Variants in PARP12 observed in about 807,000 individuals in gnomAD.
PARP12 encodes protein mono-ADP-ribosyltransferase PARP12.
PARP12 carries 59 observed loss-of-function variants against 72.4 expected under a neutral mutation model. The observed-to-expected ratio is 0.81, with a 90% CI of 0.66 to 1.01. The LOEUF (loss-of-function observed/expected upper bound fraction) is 1.01. Among genes scored for constraint, PARP12 ranks in the 50% least tolerant of loss-of-function variants. The pLI is 0.00. For missense variants in PARP12, 851 were observed against 914.0 expected, an observed-to-expected ratio of 0.93 and a Z score of 0.89; for synonymous variants, 403 against 371.4, an observed-to-expected ratio of 1.09 and a Z score of -0.98.
intron 7 of PARP12, among the ~76,000 whole-genome samples, chr7:140,037,479 T>C (rs932441720): frequency 3.9e-5 from 6 of 152,346 alleles, no homozygotes; most frequent in Admixed American, 3.9e-4. Flanking sequence ...TCCTCCACAC[T>C]TGGGGCTCCT....
intron 4 of PARP12, among the ~76,000 whole-genome samples, chr7:140,048,080 C>G (rs139164995): frequency 1.8e-3 from 278 of 152,286 alleles, no homozygotes; most frequent in Middle Eastern, 3.4e-3. Flanking sequence ...GAGATCACAG[C>G]AAAGATGGAG....
chr7:140,062,578 C>A lies in PARP12; in HGVS notation c.270G>T (p.Ala90=), dbSNP rs534515484. The A allele has an allele frequency of 1.3e-6, 2 of 1,546,304 alleles. No individual in the cohort carries two copies. The highest frequency in any genetic ancestry group is 1.7e-6 in the Non-Finnish European group (2 of 1,150,948). Residue 90 remains alanine (A), a synonymous_variant, in exon 1 of 12, where the codon GCG becomes GCT. Transcript: ENST00000263549. The part of the protein sequence containing the change: ...GSKPGCVGLC[A]QLHLCRFMVY... ...CCATGAACCTGCAGAGGTGGAGCTGCGCGCAGAGCCCCACGCAGCCCGGCT... is the reference window on the plus strand; with the variant it reads ...CCATGAACCTGCAGAGGTGGAGCTGAGCGCAGAGCCCCACGCAGCCCGGCT...
chr7:140,062,622 G>A lies in PARP12; in HGVS notation c.226C>T (p.Arg76Cys), dbSNP rs1266996676. Residue 76 changes from arginine (R) to cysteine (C), a missense_variant, in exon 1 of 12, where the codon CGC becomes TGC. This residue lies in a region of PARP12 where 492 missense variants were observed against 489.3 expected (regional missense o/e 1.01). Transcript: ENST00000263549. ...CCCGGCTTGGAGCCCTGGTGCGCGCGACACAGGCGCAGCGGCGAGGCGGCC... is the reference window on the plus strand; with the variant it reads ...CCCGGCTTGGAGCCCTGGTGCGCGCAACACAGGCGCAGCGGCGAGGCGGCC... ...VLAASPLRLC[R>C]AHQGSKPGCV... 1 of 1,496,000 alleles carries A rather than the reference G, an allele frequency of 6.7e-7. No homozygotes were observed. Among genetic ancestry groups the A allele is most frequent in the South Asian group, 1.2e-5 (1 of 81,098 alleles). 92.7% of individuals were successfully genotyped at this position (1,496,000 alleles called of 1,614,324 possible).
rs756617778 is a variant in PARP12, at chr7:140,041,771, C to G, written c.1055G>C (p.Gly352Ala). The G allele has an allele frequency of 1.4e-4, 223 of 1,614,054 alleles. 3 individuals are homozygous for G. The South Asian group carries it at 2.3e-3, about 17-fold the overall frequency. ...HCLNFNAMTY[G>A]ATQARRLSTA... The stretch of plus-strand genomic sequence containing the variant: ...GGAGAGGCGGCGAGCCTGGGTAGCA[C>G]CGTAAGTCATGGCGTTAAAGTTCAG... The change falls in exon 6 of 12, where the codon GGT becomes GCT. Residue 352 changes from glycine (G) to alanine (A), a missense_variant. Coordinates refer to ENST00000263549, the MANE Select transcript of PARP12 (RefSeq NM_022750.4).
chr7:140,058,060 T>C lies in PARP12; in HGVS notation c.327-26A>G, dbSNP rs1388661371. On this transcript the variant is annotated intron_variant, in intron 1 of 11. Transcript: ENST00000263549. ...CTGCAAAGAAGCAGAGCTGGTGTTA[T>C]ATGTCGAATTGAGTCTCCTCAAAAT... The C allele has an allele frequency of 4.3e-6, 7 of 1,613,720 alleles. No homozygotes were observed. In the Admixed American group the frequency reaches 6.7e-5, roughly 15 times the overall value.
intron 3 of PARP12, among the ~76,000 whole-genome samples, chr7:140,056,428 T>G (rs1013679820): frequency 6.6e-6 from 1 of 152,178 alleles, no homozygotes; most frequent in Non-Finnish European, 1.5e-5. Context: ...CTTCTTTCAC[T>G]CATTTTGTAA....
intron 4 of PARP12, among the ~76,000 whole-genome samples, chr7:140,047,914 C>A (rs1816800576): frequency 6.6e-6 from 1 of 152,162 alleles, no homozygotes; most frequent in Non-Finnish European, 1.5e-5. Context: ...CCACACCTGG[C>A]AATTTTTTAG....
chr7:140,050,228 C>T (rs929773399), intron 4 of PARP12, among the ~76,000 whole-genome samples: 1 of 152,168 alleles, frequency 6.6e-6, no homozygotes, highest in African/African-American at 2.4e-5. Context: ...GATTCAGAGT[C>T]AGATGAAGCC....
intron 8 of PARP12, among the ~76,000 whole-genome samples, chr7:140,029,895 T>C (rs1270099027): frequency 2.6e-5 from 4 of 151,978 alleles, no homozygotes; most frequent in Admixed American, 6.5e-5. Context: ...AGGAAAGAAG[T>C]TGAGACATGG....
At chr7:140,052,643 G>A (rs1817009582) in intron 4 of PARP12, among the ~76,000 whole-genome samples, 1 of 151,794 alleles carries the variant, frequency 6.6e-6, no homozygotes. Flanking sequence ...TTACAAGTTA[G>A]TATGAATTTA....
rs376000340 is a variant in PARP12 at position 140,028,601 on chromosome 7, T to G, written c.1497+12A>C. 1.6e-4 allele frequency: 254 copies of G among 1,575,754 alleles called. 1 individual carries two copies. The highest frequency in any genetic ancestry group is 6.9e-6 in the Non-Finnish European group (8 of 1,159,150). ...ACCTTCCTGTCCAGCCCCAGGCGCA[T>G]GCGTCCCCTACCTGAAAGCCTGGGT... On this transcript the variant is annotated intron_variant, in intron 9 of 11. Coordinates refer to ENST00000263549, the MANE Select transcript of PARP12 (RefSeq NM_022750.4).
chr7:140,045,681 A>G (rs1816687027), intron 5 of PARP12, among the ~76,000 whole-genome samples: 1 of 152,234 alleles, frequency 6.6e-6, no homozygotes, highest in Non-Finnish European at 1.5e-5. Flanking sequence ...CCAAACTAGT[A>G]AAGGGAAAAA....
At chr7:140,045,648 A>T (rs575240641) in intron 5 of PARP12, among the ~76,000 whole-genome samples, 1 of 152,352 alleles carries the variant, frequency 6.6e-6, no homozygotes, top group East Asian at 1.9e-4. Context: ...CCACTGAAAA[A>T]ATAAAAATTC....
At chr7:140,043,359 G>GT (rs1416096502) in intron 5 of PARP12, among the ~76,000 whole-genome samples, 1 of 152,076 alleles carries the variant, frequency 6.6e-6, no homozygotes, top group East Asian at 1.9e-4. Flanking sequence ...TACGTGATAT[G>GT]TTTTTTAAAA....
chr7:140,043,684 C>T (rs1279393213), intron 5 of PARP12, among the ~76,000 whole-genome samples: 4 of 152,132 alleles, frequency 2.6e-5, no homozygotes, highest in African/African-American at 9.7e-5. Context: ...GCATGCACCA[C>T]CACGCCCAGC....
chr7:140,055,671 C>T (rs1256049951), intron 3 of PARP12, among the ~76,000 whole-genome samples: 1 of 152,210 alleles, frequency 6.6e-6, no homozygotes, highest in African/African-American at 2.4e-5. Context: ...TGGATCCCTC[C>T]TCCCTTTCTG....
At chr7:140,035,915 A>AGAGGAAG (rs1816142305) in intron 7 of PARP12, among the ~76,000 whole-genome samples, 1 of 56,892 alleles carries the variant, frequency 1.8e-5, no homozygotes, top group Non-Finnish European at 3.1e-5. Context: ...GGAGGAGGAC[A>AGAGGAAG]AGGAGGAGGA....
chr7:140,046,071 T>C (rs1405948162), intron 5 of PARP12, among the ~76,000 whole-genome samples: 3 of 152,238 alleles, frequency 2.0e-5, no homozygotes, highest in Admixed American at 2.0e-4. Context: ...CACAAGTGTA[T>C]GTATTTGTCA....
intron 1 of PARP12, among the ~76,000 whole-genome samples, chr7:140,059,356 G>A (rs907275204): frequency 3.3e-5 from 4 of 122,878 alleles, no homozygotes; most frequent in African/African-American, 3.8e-5. Flanking sequence ...GCGTGCAGGC[G>A]TGTATACACA....
Sources: allele counts gnomAD v4.1 joint callset (sites outside exome capture counted in the v4.1 genomes callset), GRCh38; gene constraint gnomAD v4.1.1; regional missense constraint gnomAD v4.1.1; transcripts MANE v1.5; gene names NCBI Gene and HGNC (gene_info 2026-07-23, HGNC 2026-07-21).